The following KHDRBS2 variants were observed in gnomAD, a reference collection of about 807,000 sequenced individuals.
The protein encoded by KHDRBS2 is KH domain-containing, RNA-binding, signal transduction-associated protein 2.
KHDRBS2 carries 26 observed loss-of-function variants against 44.3 expected under a neutral mutation model. That is an observed-to-expected ratio of 0.59 (90% confidence interval 0.43 to 0.81). The LOEUF is 0.81. Ranked by LOEUF, KHDRBS2 falls within the 40% of genes least tolerant of loss-of-function variation. The probability of loss-of-function intolerance (pLI) is 0.00; values close to 1 mark genes in which losing one functional copy is unlikely to be tolerated. For missense variants in KHDRBS2, 476 were observed against 433.1 expected (o/e 1.10, Z -0.88); for synonymous variants, 194 against 151.1 (o/e 1.28, Z -2.08).
chr6:61,975,881 G>A (rs1484860931), intron 4 of KHDRBS2, among the ~76,000 whole-genome samples: 2 of 152,136 alleles, frequency 1.3e-5, no homozygotes, highest in African/African-American at 4.8e-5. Flanking sequence ...TTTCTACAAA[G>A]CTAACCTTTA....
At chr6:61,754,759 G>A (rs185923557) in intron 6 of KHDRBS2, among the ~76,000 whole-genome samples, 65 of 152,170 alleles carry the variant, frequency 4.3e-4, no homozygotes, top group Non-Finnish European at 6.8e-4. Flanking sequence ...AAAAAAGATA[G>A]GAGTGCATAG....
chr6:62,078,397 G>A (rs1025544387), intron 2 of KHDRBS2, among the ~76,000 whole-genome samples: 7 of 151,858 alleles, frequency 4.6e-5, no homozygotes, highest in Non-Finnish European at 1.0e-4. Flanking sequence ...AGGATAACAT[G>A]TGTATTAATA....
chr6:62,240,234 C>A (rs1834375525), intron 1 of KHDRBS2, among the ~76,000 whole-genome samples: 1 of 152,058 alleles, frequency 6.6e-6, no homozygotes, highest in South Asian at 2.1e-4. Flanking sequence ...ACTGGGAGTT[C>A]TCTCAGTAGG....
chr6:62,093,431 C>G (rs1484666661), intron 2 of KHDRBS2, among the ~76,000 whole-genome samples: 1 of 151,766 alleles, frequency 6.6e-6, no homozygotes, highest in African/African-American at 2.4e-5. Flanking sequence ...ATGTAATGAT[C>G]AAATCAGGGT....
At chr6:62,169,145 G>A (rs1037713907) in intron 2 of KHDRBS2, among the ~76,000 whole-genome samples, 10 of 62,448 alleles carry the variant, frequency 1.6e-4, no homozygotes, top group South Asian at 5.9e-4. Flanking sequence ...ACACATATAT[G>A]TGTGTATATA....
At chr6:61,795,659 G>A (rs1477957605) in intron 6 of KHDRBS2, among the ~76,000 whole-genome samples, 1 of 152,026 alleles carries the variant, frequency 6.6e-6, no homozygotes, top group Non-Finnish European at 1.5e-5. Flanking sequence ...ATTTTCTTAT[G>A]TGAGTATGCC....
At chr6:61,909,953 A>T (rs1805748083) in intron 4 of KHDRBS2, among the ~76,000 whole-genome samples, 1 of 152,212 alleles carries the variant, frequency 6.6e-6, no homozygotes, top group African/African-American at 2.4e-5. Flanking sequence ...GTGAACATAT[A>T]CTCAGCTCTG....
At chr6:62,031,232 C>G (rs1218081113) in intron 3 of KHDRBS2, among the ~76,000 whole-genome samples, 1 of 151,906 alleles carries the variant, frequency 6.6e-6, no homozygotes, top group African/African-American at 2.4e-5. Context: ...AGCCCTTGAG[C>G]CCGGAATAAC....
chr6:62,246,386 A>G (rs1047957034), intron 1 of KHDRBS2, among the ~76,000 whole-genome samples: 2 of 151,900 alleles, frequency 1.3e-5, no homozygotes, highest in African/African-American at 2.4e-5. Flanking sequence ...TATAAGAAAA[A>G]CATTCACTTC....
intron 1 of KHDRBS2, among the ~76,000 whole-genome samples, chr6:62,230,064 G>A (rs975717041): frequency 1.3e-5 from 2 of 152,080 alleles, no homozygotes; most frequent in African/African-American, 4.8e-5. Flanking sequence ...TTGCTGTAGC[G>A]GTGGTGGGCA....
At chr6:62,102,777 C>T (rs1341659575) in intron 2 of KHDRBS2, among the ~76,000 whole-genome samples, 1 of 152,144 alleles carries the variant, frequency 6.6e-6, no homozygotes, top group Non-Finnish European at 1.5e-5. Flanking sequence ...CTCTTCACTC[C>T]TGCAATCTGG....
At chr6:62,027,102 C>A (rs1584241678) in intron 3 of KHDRBS2, among the ~76,000 whole-genome samples, 2 of 151,588 alleles carry the variant, frequency 1.3e-5, no homozygotes, top group African/African-American at 4.8e-5. Flanking sequence ...TAAGAAATAA[C>A]TGTTCACTTT....
chr6:62,102,844 T>C (rs1267374830), intron 2 of KHDRBS2, among the ~76,000 whole-genome samples: 1 of 152,126 alleles, frequency 6.6e-6, no homozygotes, highest in African/African-American at 2.4e-5. Flanking sequence ...AACAGCTCCT[T>C]TTGCTCACAA....
chr6:61,891,737 G>C (rs1468252987), intron 6 of KHDRBS2, among the ~76,000 whole-genome samples: 1 of 152,160 alleles, frequency 6.6e-6, no homozygotes, highest in African/African-American at 2.4e-5. Context: ...ATTAGGTATT[G>C]ATGGGATATA....
At chr6:62,080,864 C>T (rs772224648) in intron 2 of KHDRBS2, among the ~76,000 whole-genome samples, 3 of 151,998 alleles carry the variant, frequency 2.0e-5, no homozygotes, top group Non-Finnish European at 2.9e-5. Flanking sequence ...CTTGGTTTGG[C>T]AATATTAGGT....
At chr6:61,947,891 A>G (rs1813683791) in intron 4 of KHDRBS2, among the ~76,000 whole-genome samples, 1 of 148,574 alleles carries the variant, frequency 6.7e-6, no homozygotes, top group Non-Finnish European at 1.5e-5. Context: ...CAGAGGCATG[A>G]CAAAACCCCC....
chr6:61,938,197 A>C (rs913029985), intron 4 of KHDRBS2, among the ~76,000 whole-genome samples: 1 of 152,164 alleles, frequency 6.6e-6, no homozygotes, highest in East Asian at 1.9e-4. Context: ...GAGAGAAAAC[A>C]CATTTTTCAA....
chr6:61,901,702 A>G (rs1412254595), intron 4 of KHDRBS2, among the ~76,000 whole-genome samples: 8 of 152,196 alleles, frequency 5.3e-5, no homozygotes, highest in Non-Finnish European at 1.2e-4. Context: ...TAAAGTTATG[A>G]TTGTTAATAT....
intron 2 of KHDRBS2, among the ~76,000 whole-genome samples, chr6:62,162,508 T>C (rs1016467719): frequency 5.9e-5 from 9 of 152,114 alleles, no homozygotes; most frequent in African/African-American, 2.2e-4. Context: ...TTCAAGATTC[T>C]CTTTGCCAGG....
Sources: allele counts gnomAD v4.1 joint callset (sites outside exome capture counted in the v4.1 genomes callset), GRCh38; gene constraint gnomAD v4.1.1; transcripts MANE v1.5; gene names NCBI Gene and HGNC (gene_info 2026-07-23, HGNC 2026-07-21).